The following CELF2 variants were observed in gnomAD, a reference collection of about 807,000 sequenced individuals.
The protein encoded by CELF2 is CUG triplet repeat RNA-binding protein 2.
A neutral mutation model predicts 62.6 loss-of-function variants in CELF2; 8 were observed. The observed-to-expected ratio is 0.13, with a 90% CI of 0.07 to 0.23. The LOEUF (loss-of-function observed/expected upper bound fraction) is 0.23. Among genes scored for constraint, CELF2 ranks in the 10% least tolerant of loss-of-function variants. The probability of loss-of-function intolerance (pLI) is 1.00; values close to 1 mark genes in which losing one functional copy is unlikely to be tolerated. For missense variants in CELF2, 333 were observed against 671.0 expected, an observed-to-expected ratio of 0.50 and a Z score of 5.56; for synonymous variants, 258 against 250.0, an observed-to-expected ratio of 1.03 and a Z score of -0.30.
chr10:10,637,983 T>C, the CELF2 span, among the ~76,000 whole-genome samples: 1 of 152,178 alleles, frequency 6.6e-6, no homozygotes, highest in African/African-American at 2.4e-5. Context: ...TGGATATATA[T>C]CTCCCCTTGA....
chr10:11,026,693 T>TA (rs1247490029), intron 1 of CELF2, among the ~76,000 whole-genome samples: 1 of 152,164 alleles, frequency 6.6e-6, no homozygotes, highest in Non-Finnish European at 1.5e-5. Context: ...ATATATGTTT[T>TA]AAAAAATCTC....
intron 1 of CELF2, among the ~76,000 whole-genome samples, chr10:11,078,897 A>G (rs1345091155): frequency 5.3e-5 from 8 of 152,232 alleles, no homozygotes; most frequent in Non-Finnish European, 7.3e-5. Flanking sequence ...CTTCTTCAGC[A>G]TAACGTGATG....
intron 1 of CELF2, among the ~76,000 whole-genome samples, chr10:11,071,096 T>C (rs752214703): frequency 6.6e-6 from 1 of 152,200 alleles, no homozygotes; most frequent in African/African-American, 2.4e-5. Context: ...TTTAATCTTG[T>C]TTATGTTTTA....
chr10:11,327,916 G>A (rs1248314960), intron 12 of CELF2, among the ~76,000 whole-genome samples: 4 of 152,154 alleles, frequency 2.6e-5, no homozygotes, highest in Non-Finnish European at 4.4e-5. Context: ...CCGAACAGCT[G>A]ACGTTTAGAC....
the CELF2 span, among the ~76,000 whole-genome samples, chr10:10,492,948 G>A: frequency 6.6e-6 from 1 of 152,162 alleles, no homozygotes; most frequent in African/African-American, 2.4e-5. Flanking sequence ...CCACCGTGTA[G>A]TAAGACGTGC....
At chr10:10,463,034 C>CT in the CELF2 span, among the ~76,000 whole-genome samples, 1 of 151,754 alleles carries the variant, frequency 6.6e-6, no homozygotes, top group South Asian at 2.1e-4. Context: ...AATGATGAAA[C>CT]TTTTTTTTAA....
intron 1 of CELF2, among the ~76,000 whole-genome samples, chr10:11,029,124 G>A (rs1350653898): frequency 1.3e-5 from 2 of 152,194 alleles, no homozygotes; most frequent in African/African-American, 4.8e-5. Context: ...GGATGTAGAT[G>A]GAGAGAGTCC....
At chr10:11,256,671 A>T (rs2078866288) in intron 4 of CELF2, among the ~76,000 whole-genome samples, 1 of 150,936 alleles carries the variant, frequency 6.6e-6, no homozygotes, top group African/African-American at 2.4e-5. Flanking sequence ...TCCTTAAAAA[A>T]AAAAAAAAAA....
chr10:11,205,035 G>A (rs2060121854), intron 2 of CELF2, among the ~76,000 whole-genome samples: 1 of 152,104 alleles, frequency 6.6e-6, no homozygotes, highest in African/African-American at 2.4e-5. Context: ...AAATTTTGTT[G>A]TACCCTGAAT....
intron 4 of CELF2, among the ~76,000 whole-genome samples, chr10:11,256,553 T>A (rs1426739755): frequency 6.7e-6 from 1 of 149,462 alleles, no homozygotes; most frequent in Non-Finnish European, 1.5e-5. Flanking sequence ...CTCTTCAGTC[T>A]GGCTGCAGCT....
intron 5 of CELF2, among the ~76,000 whole-genome samples, chr10:11,259,761 A>G (rs1306956951): frequency 3.3e-5 from 5 of 152,198 alleles, no homozygotes; most frequent in Non-Finnish European, 5.9e-5. Flanking sequence ...TGGTGGTCCA[A>G]TTCTTCATCA....
At chr10:11,015,476 A>G (rs181895213), upstream of CELF2, among the ~76,000 whole-genome samples, 6 of 152,322 alleles carry the variant, frequency 3.9e-5, no homozygotes, top group Admixed American at 3.9e-4. The surrounding 1 kb of genome is among the most constrained non-coding windows in gnomAD (Gnocchi z 4.8). Context: ...TGCCTATGCA[A>G]TCACTACATT....
Position 10,957,787 on chromosome 10 carries a change from G to A in CELF2, c.89+37788G>A, listed in dbSNP as rs141836173. 1.6e-3 allele frequency among the ~76,000 whole-genome samples: 248 copies of A among 152,252 alleles called. 1 individual carries two copies. The highest frequency in any genetic ancestry group is 5.0e-3 in the African/African-American group (208 of 41,548). On this transcript the variant is annotated intron_variant, in intron 2 of 13. Transcript: ENST00000636488. This position sits in a 1 kb window ranked among gnomAD's most constrained non-coding sequence, Gnocchi z 4.1. ...ACGGGCCCTTTAACTCACAAACCAC[G>A]TTTTTCATCGGTTTTCCCCATCTTC...
chr10:10,864,724 T>C (rs1163373196), intron 1 of CELF2, among the ~76,000 whole-genome samples: 4 of 152,292 alleles, frequency 2.6e-5, no homozygotes, highest in African/African-American at 9.6e-5. Flanking sequence ...TCTCCAAATA[T>C]AATTGTCTTA....
At chr10:10,486,596 C>T in the CELF2 span, among the ~76,000 whole-genome samples, 1 of 152,090 alleles carries the variant, frequency 6.6e-6, no homozygotes, top group African/African-American at 2.4e-5. Context: ...TTGCATTATA[C>T]TTACCTGATT....
At chr10:11,126,301 C>T (rs2058688247) in intron 1 of CELF2, among the ~76,000 whole-genome samples, 1 of 152,176 alleles carries the variant, frequency 6.6e-6, no homozygotes, top group Admixed American at 6.5e-5. Context: ...TGCCTTTTCT[C>T]TCACATGTCT....
chr10:11,175,803 T>C (rs2070857907), intron 2 of CELF2, among the ~76,000 whole-genome samples: 1 of 152,212 alleles, frequency 6.6e-6, no homozygotes, highest in Non-Finnish European at 1.5e-5. Flanking sequence ...GCACCAGTCA[T>C]GTGGCAGTAG....
chr10:11,036,520 C>T (rs2060974279), intron 1 of CELF2, among the ~76,000 whole-genome samples: 1 of 152,178 alleles, frequency 6.6e-6, no homozygotes. Context: ...TTATCTTTTG[C>T]TAAACATAAA....
the CELF2 span, among the ~76,000 whole-genome samples, chr10:10,540,839 C>T: frequency 2.6e-5 from 4 of 152,184 alleles, no homozygotes; most frequent in Non-Finnish European, 5.9e-5. Flanking sequence ...ACATTCTCCA[C>T]AACTGTATGC....
Sources: gnomAD v4.1 joint callset for allele counts (sites outside exome capture counted in the v4.1 genomes callset) on GRCh38, gnomAD v4.1.1 for gene constraint, Gnocchi (gnomAD v3.1) non-coding constraint, MANE v1.5 for transcripts, NCBI Gene and HGNC (gene_info 2026-07-23, HGNC 2026-07-21) for gene names.